BRWD1: variants seen among roughly 807,000 people sequenced by gnomAD.
The protein encoded by BRWD1 is bromodomain and WD repeat domain containing 1, also known as bromodomain and WD repeat-containing protein 1.
Under a neutral mutation model 251.2 loss-of-function variants are expected in BRWD1, and 82 were observed. The ratio of observed to expected loss-of-function variants is 0.33; its 90% CI spans 0.27 to 0.39. The LOEUF (loss-of-function observed/expected upper bound fraction) is 0.39, where lower values mean the gene tolerates loss of function less well. BRWD1 is among the 10% of genes least tolerant of loss of function. BRWD1 has a pLI of 1.00. For missense variants in BRWD1, 2,233 were observed against 2,711.6 expected, an observed-to-expected ratio of 0.82 and a Z score of 3.92; for synonymous variants, 918 against 902.8, an observed-to-expected ratio of 1.02 and a Z score of -0.30.
At chr21:39,207,430 A>G (rs1400683763) in intron 36 of BRWD1, among the ~76,000 whole-genome samples, 1 of 142,030 alleles carries the variant, frequency 7.0e-6, no homozygotes, top group East Asian at 2.0e-4. Flanking sequence ...CAGGCTCAAA[A>G]AAAAAAAAGA....
At position 39,274,258 on chromosome 21, in the gene BRWD1, T is replaced by C. The variant is rs1348945772; in HGVS notation, c.1244+116A>G. On this transcript the variant is annotated intron_variant, in intron 13 of 40. Coordinates refer to ENST00000342449, the MANE Select transcript of BRWD1 (RefSeq NM_033656.4). ...TACCACAGCTCTTCGTAATAGAAGG[T>C]AGCTATAATCCCCTCAACAAAATAA... The C allele has an allele frequency of 2.9e-5, 22 of 759,514 alleles. No individual in the cohort carries two copies. The Admixed American group carries it at 5.0e-4, about 17-fold the overall frequency. The allele number at this position is 759,514 out of a possible 1,614,324, so 47.0% of individuals were successfully genotyped here. A position where few individuals can be genotyped will look rare whatever the true frequency, so the allele number is the denominator to read the frequency against.
At chr21:39,293,709 A>T in intron 8 of BRWD1, 102 bp downstream of exon 8, 1 of 855,006 alleles carries the variant, frequency 1.2e-6, no homozygotes, top group Non-Finnish European at 1.8e-6. Context: ...TACTTAAAAC[A>T]TAACTAATAC....
chr21:39,301,476 GC>G (rs35684385), intron 4 of BRWD1, among the ~76,000 whole-genome samples: 46,493 of 151,906 alleles, frequency 0.31, 7,568 homozygotes, highest in Middle Eastern at 0.36. Flanking sequence ...AGAAACTGAG[GC>G]CCTCAGTCAA....
chr21:39,258,492 C>T lies in BRWD1; in HGVS notation c.2066G>A (p.Arg689Gln), dbSNP rs371626914. 6.9e-6 allele frequency: 11 copies of T among 1,591,900 alleles called. No homozygotes were observed. The highest frequency in any genetic ancestry group is 2.3e-5 in the South Asian group (2 of 86,984). ...RGLSNGEETP[R>Q]RGFRRLSLDI... The stretch of plus-strand genomic sequence containing the variant: ...CATTTATCACTATTTATTACCTCTC[C>T]GGGGTGTTTCTTCACCATTTGAAAG... The change falls in exon 18 of 41, where the codon CGG becomes CAG. Residue 689 changes from arginine to glutamine, a missense_variant. Physicochemically the swap from Arg to Gln is conservative, Grantham distance 43 (BLOSUM62 1). Coordinates refer to ENST00000342449, the MANE Select transcript of BRWD1 (RefSeq NM_033656.4).
intron 13 of BRWD1, 71 bp downstream of exon 13, chr21:39,274,303 G>T (rs1168912571): frequency 3.4e-6 from 4 of 1,165,148 alleles, no homozygotes; most frequent in Non-Finnish European, 5.1e-6. Flanking sequence ...GACACAGAGA[G>T]CGAGAGAGAG....
Position 39,218,592 on chromosome 21 carries a change from T to G in BRWD1, c.3451A>C (p.Lys1151Gln). The G allele has an allele frequency of 6.2e-7, 1 of 1,612,370 alleles. No individual in the cohort carries two copies. Among genetic ancestry groups the G allele is most frequent in the Non-Finnish European group, 8.5e-7 (1 of 1,179,354 alleles). The change falls in exon 30 of 41, where the codon AAA becomes CAA. Residue 1151 changes from lysine (K) to glutamine (Q), a missense_variant. This residue lies in a region of BRWD1 where 139 missense variants were observed against 272.8 expected (regional missense o/e 0.51). Coordinates refer to ENST00000342449, the MANE Select transcript of BRWD1 (RefSeq NM_033656.4). ...TGACCCCATTCACCAGCTTGTGGTT[T>G]ATAGAGCAATTTCTCTAGCTCATCT... ...TTDELEKLLYKPQAGEWGQKS... is the reference protein window; with the variant it reads ...TTDELEKLLYQPQAGEWGQKS...
chr21:39,271,120 C>G (rs1016246472), intron 13 of BRWD1, among the ~76,000 whole-genome samples: 1 of 150,262 alleles, frequency 6.7e-6, no homozygotes. Flanking sequence ...TGGTGAAACC[C>G]CGTCTCTACT....
At position 39,228,597 on chromosome 21, in the gene BRWD1, A is replaced by T. The variant is rs1248423249; in HGVS notation, c.3126-15T>A. ...TATCATGATATCTAGACAAAAATTTAAAAAATTGTTAAACTCTCTACATAG... is the reference window on the plus strand; with the variant it reads ...TATCATGATATCTAGACAAAAATTTTAAAAATTGTTAAACTCTCTACATAG... On this transcript the variant is annotated splice_polypyrimidine_tract_variant and intron_variant, in intron 26 of 40. Transcript: ENST00000342449. 3 of 1,541,810 alleles carry T rather than the reference A, an allele frequency of 1.9e-6. No homozygotes were observed. Among genetic ancestry groups the T allele is most frequent in the Non-Finnish European group, 2.7e-6 (3 of 1,115,462 alleles).
chr21:39,224,361 C>A, intron 29 of BRWD1, 47 bp downstream of exon 29: 1 of 1,171,492 alleles, frequency 8.5e-7, no homozygotes, highest in East Asian at 2.6e-5. Flanking sequence ...GGCAAATGTA[C>A]ATATTATAAA....
At position 39,187,260 on chromosome 21, in the gene BRWD1, CTTTAT is replaced by C. The variant is rs756798867; in HGVS notation, c.*8994_*8998del. On this transcript the variant is annotated 3_prime_UTR_variant, in exon 41 of 41. Transcript: ENST00000342449. ...TCGTTTCTTTTAGATTACTCATTAT[CTTTAT>C]TTTATTTGCAGCAACAGTAGCACAT... The C allele has an allele frequency of 6.2e-6, 10 of 1,613,798 alleles. No individual in the cohort carries two copies. Among genetic ancestry groups the C allele is most frequent in the Admixed American group, 1.7e-5 (1 of 59,966 alleles).
At chr21:39,277,134 AT>A in intron 11 of BRWD1, 116 bp downstream of exon 11, 1 of 579,558 alleles carries the variant, frequency 1.7e-6, no homozygotes, top group Non-Finnish European at 2.8e-6. Flanking sequence ...ATGACAGTTC[AT>A]TTGTTCAACA....
chr21:39,313,962 G>A (rs1240729926), upstream of BRWD1: 2 of 360,452 alleles, frequency 5.5e-6, 1 homozygote, highest in South Asian at 3.9e-5. Flanking sequence ...CGGAAGCGCG[G>A]CCACAAGAGG....
At position 39,202,309 on chromosome 21, in the gene BRWD1, G is replaced by C; in HGVS notation, c.4585+16C>G. 6.4e-7 allele frequency: 1 copy of C among 1,573,738 alleles called. No individual in the cohort carries two copies. The highest frequency in any genetic ancestry group is 8.7e-7 in the Non-Finnish European group (1 of 1,147,324). Reference sequence around the variant, plus strand: ...GGGTGCTCAGCAAAGAAATAACATAGTATTTCACTTCTCACCAGATAATGT... The same window carrying C: ...GGGTGCTCAGCAAAGAAATAACATACTATTTCACTTCTCACCAGATAATGT... On this transcript the variant is annotated intron_variant, in intron 38 of 40. Coordinates refer to ENST00000342449, the MANE Select transcript of BRWD1 (RefSeq NM_033656.4).
At chr21:39,298,698 TGA>T (rs1294810764) in intron 4 of BRWD1, 116 bp from the exon 5 acceptor site, 1 of 798,772 alleles carries the variant, frequency 1.3e-6, no homozygotes, top group Non-Finnish European at 1.8e-6. Flanking sequence ...TAAAACATGC[TGA>T]GAGAAATTAA....
At chr21:39,241,651 G>A (rs2034007816) in intron 21 of BRWD1, among the ~76,000 whole-genome samples, 1 of 152,002 alleles carries the variant, frequency 6.6e-6, no homozygotes, top group Admixed American at 6.6e-5. Flanking sequence ...AAATACATGT[G>A]TCTGCATATA....
intron 27 of BRWD1, among the ~76,000 whole-genome samples, chr21:39,226,932 T>C (rs1460424692): frequency 6.6e-6 from 1 of 152,152 alleles, no homozygotes; most frequent in Non-Finnish European, 1.5e-5. Flanking sequence ...AAAACCAGCC[T>C]GGGCAATACA....
At chr21:39,266,580 T>C (rs1354664511) in intron 15 of BRWD1, among the ~76,000 whole-genome samples, 2 of 152,164 alleles carry the variant, frequency 1.3e-5, no homozygotes, top group Non-Finnish European at 2.9e-5. Context: ...CTATAAATAC[T>C]TGCTGAGATG....
intron 37 of BRWD1, among the ~76,000 whole-genome samples, chr21:39,205,176 T>A (rs931606623): frequency 5.3e-5 from 8 of 152,160 alleles, no homozygotes; most frequent in African/African-American, 1.2e-4. Context: ...CTTAAATTTT[T>A]AAAAAAATGC....
intron 38 of BRWD1, among the ~76,000 whole-genome samples, chr21:39,201,450 GT>G (rs2032105150): frequency 6.6e-6 from 1 of 152,224 alleles, no homozygotes; most frequent in Non-Finnish European, 1.5e-5. Context: ...AGGCTCGAAA[GT>G]TGCTAAACTT....
Sources: allele counts gnomAD v4.1 joint callset (sites outside exome capture counted in the v4.1 genomes callset), GRCh38; gene constraint gnomAD v4.1.1; regional missense constraint gnomAD v4.1.1; transcripts MANE v1.5; gene names NCBI Gene and HGNC (gene_info 2026-07-23, HGNC 2026-07-21).